Variants in ING2 observed in about 807,000 individuals in gnomAD.
ING2 encodes the protein inhibitor of growth family member 2, also known as inhibitor of growth protein 2.
In ING2, 7 loss-of-function variants were observed where a neutral mutation model predicts 30.6. The observed-to-expected ratio is 0.23, with a 90% CI of 0.13 to 0.43. ING2 has a LOEUF of 0.43. Among genes scored for constraint, ING2 ranks in the 20% least tolerant of loss-of-function variants. The pLI is 1.00. For missense variants in ING2, 239 were observed against 334.9 expected, an observed-to-expected ratio of 0.71 and a Z score of 2.24; for synonymous variants, 136 against 121.7, an observed-to-expected ratio of 1.12 and a Z score of -0.78.
At position 183,510,516 on chromosome 4, in the gene ING2, A is replaced by T. The variant is rs140019380; in HGVS notation, c.407A>T (p.Asp136Val). 3.7e-6 allele frequency: 6 copies of T among 1,614,136 alleles called. No homozygotes were observed. The highest frequency in any genetic ancestry group is 3.3e-4 in the Middle Eastern group (2 of 6,062). ...CCTGCTGAAAGTGAACGAGCCTCAG[A>T]TAAAGCAAAGATGGATTCCAGCCAA... ...QDPAESERASDKAKMDSSQPE... is the reference protein window; with the variant it reads ...QDPAESERASVKAKMDSSQPE... The change falls in exon 2 of 2, where the codon GAT becomes GTT. Residue 136 changes from aspartate to valine, a missense_variant. Physicochemically the swap from Asp to Val is radical, Grantham distance 152. Coordinates refer to ENST00000302327, the MANE Select transcript of ING2 (RefSeq NM_001564.4).
intron 1 of ING2, among the ~76,000 whole-genome samples, chr4:183,506,992 A>G (rs1250369368): frequency 2.6e-5 from 4 of 152,218 alleles, no homozygotes; most frequent in African/African-American, 7.2e-5. Flanking sequence ...GGGGATTTCT[A>G]CAGATATGGA....
rs1236540186 is a variant in ING2 at position 183,511,000 on chromosome 4, G to A, written c.*48G>A. ...GGGTTATTTGTCTTTTATATAATTC[G>A]TTTGCTTTCAGAAAATGTTTTAGGG... On this transcript the variant is annotated 3_prime_UTR_variant, in exon 2 of 2. Transcript: ENST00000302327. The A allele has an allele frequency of 3.5e-6, 5 of 1,440,270 alleles. No homozygotes were observed. In the African/African-American group the frequency reaches 5.8e-5, roughly 17 times the overall value. The allele number at this position is 1,440,270 out of a possible 1,614,324, so 89.2% of individuals were successfully genotyped here. A position where few individuals can be genotyped will look rare whatever the true frequency, so the allele number is the denominator to read the frequency against.
At chr4:183,507,531 A>G (rs1252592530) in intron 1 of ING2, among the ~76,000 whole-genome samples, 1 of 152,222 alleles carries the variant, frequency 6.6e-6, no homozygotes, top group African/African-American at 2.4e-5. Flanking sequence ...ATTGTCAGGT[A>G]TTAATAGCTC....
chr4:183,510,154 A>G (rs1303426342), intron 1 of ING2, 128 bp from the exon 2 acceptor site: 22 of 645,198 alleles, frequency 3.4e-5, no homozygotes, highest in Non-Finnish European at 5.7e-5. Flanking sequence ...TTTAATGTAT[A>G]TGTACCAAAG....
chr4:183,509,130 T>C (rs1734752413), intron 1 of ING2, among the ~76,000 whole-genome samples: 1 of 152,206 alleles, frequency 6.6e-6, no homozygotes, highest in Non-Finnish European at 1.5e-5. Context: ...AAAAGTAAGA[T>C]GATGGGAAGC....
rs139310893 is a variant in ING2 at position 183,510,829 on chromosome 4, T to C, written c.720T>C (p.Phe240=). Residue 240 remains phenylalanine, a synonymous_variant, in exon 2 of 2, where the codon TTT becomes TTC. Coordinates refer to ENST00000302327, the MANE Select transcript of ING2 (RefSeq NM_001564.4). The stretch of plus-strand genomic sequence containing the variant: ...AGTGTCCAATTGAATGGTTTCACTT[T>C]TCATGTGTTTCACTTACCTATAAAC... ...NEQCPIEWFH[F]SCVSLTYKPK... 2,683 of 1,614,234 alleles carry C rather than the reference T, an allele frequency of 1.7e-3. 5 individuals are homozygous for C. The highest frequency in any genetic ancestry group is 3.0e-3 in the South Asian group (270 of 91,088).
rs765972940 is a variant in ING2, at chr4:183,510,269, T to C, written c.173-13T>C. 6.5e-7 allele frequency: 1 copy of C among 1,532,824 alleles called. No individual in the cohort carries two copies. The highest frequency in any genetic ancestry group is 8.8e-7 in the Non-Finnish European group (1 of 1,135,022). 95.0% of individuals were successfully genotyped at this position (1,532,824 alleles called of 1,614,324 possible). A position where few individuals can be genotyped will look rare whatever the true frequency, so the allele number is the denominator to read the frequency against. ...ACATGATAACGTTCTCATTTTTCTT[T>C]TCCTTTTTTTAGAAACGTTAAAGGA... On this transcript the variant is annotated splice_polypyrimidine_tract_variant and intron_variant, in intron 1 of 1. Transcript: ENST00000302327.
In ING2 at chr4:183,505,318, C is replaced by T. The variant is rs1734608534; in HGVS notation, c.123C>T (p.Asp41=). The change falls in exon 1 of 2, where the codon GAC becomes GAT. Residue 41 remains aspartate, a synonymous_variant. Coordinates refer to ENST00000302327, the MANE Select transcript of ING2 (RefSeq NM_001564.4). ...YLECVESLPH[D]MQRNVSVLRE... ...AGTGCGTGGAGTCGCTGCCCCACGA[C>T]ATGCAGAGGAACGTGTCTGTGCTGC... 2.6e-6 allele frequency: 4 copies of T among 1,554,204 alleles called. No individual in the cohort carries two copies. The highest frequency in any genetic ancestry group is 3.5e-6 in the Non-Finnish European group (4 of 1,150,412).
intron 1 of ING2, among the ~76,000 whole-genome samples, chr4:183,505,860 G>A (rs1734625193): frequency 6.6e-6 from 1 of 152,018 alleles, no homozygotes; most frequent in African/African-American, 2.4e-5. Flanking sequence ...GCGGACTGAG[G>A]GGGCCTTCCT....
chr4:183,508,595 G>A (rs763644984), intron 1 of ING2, among the ~76,000 whole-genome samples: 1 of 152,182 alleles, frequency 6.6e-6, no homozygotes, highest in Non-Finnish European at 1.5e-5. Flanking sequence ...GATTTCCAGG[G>A]AGAAGCTGAT....
At chr4:183,505,969 T>C in intron 1 of ING2, 2 of 572,872 alleles carry the variant, frequency 3.5e-6, no homozygotes, top group South Asian at 5.6e-5. Context: ...GCCCAGTTCT[T>C]TCGGCAAAAT....
chr4:183,510,594 A>T lies in ING2; in HGVS notation c.485A>T (p.Asp162Val). 6.2e-7 allele frequency: 1 copy of T among 1,614,136 alleles called. No homozygotes were observed. The highest frequency in any genetic ancestry group is 8.5e-7 in the Non-Finnish European group (1 of 1,180,038). ...AGGCAGCGGACCAGTGAAAGCCGTG[A>T]TTTATGTCACATGGCAAATGGGATT... is the stretch of plus-strand genomic sequence containing the variant. ...PRRQRTSESR[D>V]LCHMANGIED... Residue 162 changes from aspartate to valine, a missense_variant, in exon 2 of 2, where the codon GAT becomes GTT. Around this residue, in one of 5 missense-constraint regions of ING2, gnomAD observed 115 missense variants for 120.1 expected, o/e 0.96. Transcript: ENST00000302327.
intron 1 of ING2, chr4:183,506,106 C>G: frequency 1.7e-6 from 2 of 1,194,868 alleles, no homozygotes; most frequent in South Asian, 1.5e-5. Flanking sequence ...GCGCGCGTTC[C>G]CGCGGGCCTG....
chr4:183,505,997 T>G, intron 1 of ING2: 1 of 772,916 alleles, frequency 1.3e-6, no homozygotes, highest in Non-Finnish European at 1.7e-6. Flanking sequence ...AGGGGAGGGG[T>G]CCCCCGCGGG....
intron 1 of ING2, among the ~76,000 whole-genome samples, chr4:183,507,872 AAAG>A (rs2111088547): frequency 6.6e-6 from 1 of 152,320 alleles, no homozygotes; most frequent in Admixed American, 6.5e-5. Context: ...AATGAGAAAT[AAAG>A]AAGAAAACAA....
In ING2 at chr4:183,505,088, G is replaced by A; in HGVS notation, c.-108G>A. On this transcript the variant is annotated 5_prime_UTR_variant, in exon 1 of 2. Transcript: ENST00000302327. ...CGGCCGTGCCCTCTCGAGCGGCTGC[G>A]GGGTCCCCGCGGCGCCGGGCTGCTG... is the stretch of plus-strand genomic sequence containing the variant. 9.0e-7 allele frequency: 1 copy of A among 1,115,858 alleles called. No individual in the cohort carries two copies. Among genetic ancestry groups the A allele is most frequent in the Non-Finnish European group, 1.2e-6 (1 of 863,946 alleles). 69.1% of individuals were successfully genotyped at this position (1,115,858 alleles called of 1,614,324 possible).
rs559644144 is a variant in ING2 at position 183,505,702 on chromosome 4, C to A, written c.172+335C>A. Among the ~76,000 whole-genome samples the A allele has an allele frequency of 3.3e-5, 5 of 151,804 alleles. No homozygotes were observed. The East Asian group carries it at 9.7e-4, about 30-fold the overall frequency. ...CGTGCCGCAGACCCTGCGGCCCCGGCCCGGGACTGCAGCCGGGCAAGGGTC... is the reference window on the plus strand; with the variant it reads ...CGTGCCGCAGACCCTGCGGCCCCGGACCGGGACTGCAGCCGGGCAAGGGTC... On this transcript the variant is annotated intron_variant, in intron 1 of 1. Transcript: ENST00000302327.
chr4:183,505,699 C>A (rs1734619443), intron 1 of ING2, among the ~76,000 whole-genome samples: 1 of 151,876 alleles, frequency 6.6e-6, no homozygotes, highest in South Asian at 2.1e-4. Flanking sequence ...CCTGCGGCCC[C>A]GGCCCGGGAC....
intron 1 of ING2, among the ~76,000 whole-genome samples, chr4:183,505,870 T>C (rs1369467582): frequency 6.6e-6 from 1 of 151,756 alleles, no homozygotes; most frequent in Non-Finnish European, 1.5e-5. Flanking sequence ...GGGGCCTTCC[T>C]CCGCGCTCCT....
Sources: gnomAD v4.1 joint callset for allele counts (sites outside exome capture counted in the v4.1 genomes callset) on GRCh38, gnomAD v4.1.1 for gene constraint, gnomAD v4.1.1 regional missense constraint, MANE v1.5 for transcripts, NCBI Gene and HGNC (gene_info 2026-07-23, HGNC 2026-07-21) for gene names.